EHBP1: variants seen among roughly 807,000 people sequenced by gnomAD.
EHBP1 encodes EH domain binding protein 1, also known as EH domain-binding protein 1.
A neutral mutation model predicts 144.0 loss-of-function variants in EHBP1; 55 were observed. The ratio of observed to expected loss-of-function variants is 0.38; its 90% CI spans 0.31 to 0.48. The LOEUF is 0.48. Among genes scored for constraint, EHBP1 ranks in the 20% least tolerant of loss-of-function variants. The probability of loss-of-function intolerance (pLI) is 0.98; values close to 1 mark genes in which losing one functional copy is unlikely to be tolerated. For synonymous variants in EHBP1, 469 were observed against 472.7 expected (o/e 0.99, Z 0.10); for missense variants, 1,200 against 1,364.2 (o/e 0.88, Z 1.90).
chr2:62,688,964 T>C (rs1001066089), intron 1 of EHBP1, among the ~76,000 whole-genome samples: 1 of 152,206 alleles, frequency 6.6e-6, no homozygotes, highest in Non-Finnish European at 1.5e-5. Context: ...GTATGCATAC[T>C]GAGAAGGTCA....
At chr2:62,852,261 TATTA>T (rs955386319) in intron 7 of EHBP1, among the ~76,000 whole-genome samples, 2 of 152,126 alleles carry the variant, frequency 1.3e-5, no homozygotes, top group Admixed American at 6.5e-5. Context: ...TTTTTTGACC[TATTA>T]ATTGCACATA....
At chr2:62,815,969 G>A (rs143576808) in intron 5 of EHBP1, among the ~76,000 whole-genome samples, 16 of 152,292 alleles carry the variant, frequency 1.1e-4, no homozygotes, top group African/African-American at 3.8e-4. Flanking sequence ...TAATGTAACA[G>A]TTTAAGAAGT....
intron 7 of EHBP1, among the ~76,000 whole-genome samples, chr2:62,834,469 C>G (rs2047060760): frequency 6.6e-6 from 1 of 152,214 alleles, no homozygotes. Flanking sequence ...GACCCACCAA[C>G]ACCAAAAAGA....
At chr2:62,750,475 T>C (rs1045692294) in intron 3 of EHBP1, among the ~76,000 whole-genome samples, 2 of 152,244 alleles carry the variant, frequency 1.3e-5, no homozygotes, top group Non-Finnish European at 2.9e-5. Flanking sequence ...AGGCTCTTTT[T>C]TGGTTCCATA....
chr2:62,971,158 A>C (rs2058478714), intron 14 of EHBP1, among the ~76,000 whole-genome samples: 1 of 152,200 alleles, frequency 6.6e-6, no homozygotes, highest in African/African-American at 2.4e-5. Context: ...AATATTATTT[A>C]AGTTTGTGTC....
Position 62,707,041 on chromosome 2 carries a change from G to T in EHBP1, c.-151G>T. 3.3e-6 allele frequency: 2 copies of T among 611,630 alleles called. No homozygotes were observed. The highest frequency in any genetic ancestry group is 5.9e-6 in the Non-Finnish European group (2 of 338,200). The allele number at this position is 611,630 out of a possible 1,614,324, so 37.9% of individuals were successfully genotyped here. A position where few individuals can be genotyped will look rare whatever the true frequency, so the allele number is the denominator to read the frequency against. On this transcript the variant is annotated 5_prime_UTR_variant, in exon 2 of 23. Coordinates refer to ENST00000431489, the MANE Select transcript of EHBP1 (RefSeq NM_001142616.3). ...AGATGGGATTTACCCTGTGAAACAGGGAGAAGACTTATGGACCCCAAGCAT... is the reference window on the plus strand; with the variant it reads ...AGATGGGATTTACCCTGTGAAACAGTGAGAAGACTTATGGACCCCAAGCAT...
intron 19 of EHBP1, among the ~76,000 whole-genome samples, chr2:63,009,687 A>G (rs1490341259): frequency 6.6e-6 from 1 of 151,474 alleles, no homozygotes; most frequent in Admixed American, 6.6e-5. Context: ...AAGTTCTATT[A>G]CTGTTAGTCT....
At chr2:62,746,701 C>A (rs952435682) in intron 2 of EHBP1, among the ~76,000 whole-genome samples, 1 of 151,846 alleles carries the variant, frequency 6.6e-6, no homozygotes, top group African/African-American at 2.4e-5. Flanking sequence ...TACTTTTGCA[C>A]GAACCTAATT....
chr2:62,977,801 C>T (rs2058783149), intron 14 of EHBP1, among the ~76,000 whole-genome samples: 1 of 152,024 alleles, frequency 6.6e-6, no homozygotes, highest in Admixed American at 6.6e-5. Context: ...AACATATACA[C>T]GTAGACACAC....
At chr2:62,682,969 G>A (rs903565362) in intron 1 of EHBP1, among the ~76,000 whole-genome samples, 5 of 151,722 alleles carry the variant, frequency 3.3e-5, no homozygotes, top group Non-Finnish European at 7.4e-5. Flanking sequence ...AGAGGTAGAA[G>A]ACAGAAAGAA....
chr2:62,920,924 C>T (rs1465743721), intron 10 of EHBP1, among the ~76,000 whole-genome samples: 1 of 152,058 alleles, frequency 6.6e-6, no homozygotes, highest in Non-Finnish European at 1.5e-5. Flanking sequence ...CTGCCTTGGC[C>T]TCCCACAGTT....
chr2:62,973,910 A>G (rs1434257067), intron 14 of EHBP1, among the ~76,000 whole-genome samples: 3 of 152,106 alleles, frequency 2.0e-5, no homozygotes, highest in Admixed American at 6.6e-5. Context: ...GGCAGGGCTG[A>G]GGTAGGAGAA....
At chr2:62,749,362 C>T (rs1386268534) in intron 3 of EHBP1, among the ~76,000 whole-genome samples, 6 of 152,208 alleles carry the variant, frequency 3.9e-5, no homozygotes, top group East Asian at 1.9e-4. Flanking sequence ...CTATGTGCCA[C>T]ATTTTCTTAA....
chr2:62,924,647 A>G (rs2055350483), intron 10 of EHBP1, among the ~76,000 whole-genome samples: 2 of 152,232 alleles, frequency 1.3e-5, no homozygotes, highest in African/African-American at 4.8e-5. Context: ...ACCAAGATCA[A>G]ACCAAGAAGA....
intron 19 of EHBP1, among the ~76,000 whole-genome samples, chr2:62,998,973 C>T (rs2059747206): frequency 6.6e-6 from 1 of 152,094 alleles, no homozygotes; most frequent in African/African-American, 2.4e-5. Flanking sequence ...TACATTCATC[C>T]TTTTCTCTTT....
Position 63,045,199 on chromosome 2 carries a change from C to A in EHBP1, c.3392+19C>A. ...AGAAGCAGTGAGTGGGCAGTGGGGT[C>A]GGGTCGAGGCTGGGCCACCTGCCGA... is the stretch of plus-strand genomic sequence containing the variant. On this transcript the variant is annotated intron_variant, in intron 22 of 22. Coordinates refer to ENST00000431489, the MANE Select transcript of EHBP1 (RefSeq NM_001142616.3). This position sits in a 1 kb window ranked among gnomAD's most constrained non-coding sequence, Gnocchi z 5.7. 2 of 1,558,526 alleles carry A rather than the reference C, an allele frequency of 1.3e-6. No individual in the cohort carries two copies. Among genetic ancestry groups the A allele is most frequent in the East Asian group, 2.4e-5 (1 of 41,994 alleles).
At chr2:62,771,607 T>A in intron 5 of EHBP1, 1 of 371,222 alleles carries the variant, frequency 2.7e-6, no homozygotes, top group Non-Finnish European at 4.8e-6. Context: ...CAATACTAAA[T>A]TGTATGTATG....
Position 62,948,969 on chromosome 2 carries a change from T to C in EHBP1, c.2123T>C (p.Leu708Ser), listed in dbSNP as rs2057228213. 1.2e-6 allele frequency: 2 copies of C among 1,613,868 alleles called. No homozygotes were observed. Among genetic ancestry groups the C allele is most frequent in the Admixed American group, 1.7e-5 (1 of 59,988 alleles). Residue 708 changes from leucine to serine, a missense_variant, in exon 13 of 23, where the codon TTA becomes TCA. Leu to Ser is a moderately radical substitution (Grantham distance 145, BLOSUM62 -2). Coordinates refer to ENST00000431489, the MANE Select transcript of EHBP1 (RefSeq NM_001142616.3). ...EKEKLENSRSLECRSDPESPI... is the reference protein window; with the variant it reads ...EKEKLENSRSSECRSDPESPI... ...GAAAAATTAGAGAATTCCAGATCCT[T>C]AGAATGCAGATCAGATCCAGAATCT...
chr2:62,772,677 G>A (rs777047531), intron 5 of EHBP1, among the ~76,000 whole-genome samples: 5 of 152,220 alleles, frequency 3.3e-5, no homozygotes, highest in Admixed American at 3.3e-4. Flanking sequence ...GTTGCTTGAA[G>A]ATTAAATAAT....
Sources: allele counts gnomAD v4.1 joint callset (sites outside exome capture counted in the v4.1 genomes callset), GRCh38; gene constraint gnomAD v4.1.1; non-coding constraint Gnocchi (gnomAD v3.1); transcripts MANE v1.5; gene names NCBI Gene and HGNC (gene_info 2026-07-23, HGNC 2026-07-21).